Variants in CHMP1A observed in about 807,000 individuals in gnomAD.
CHMP1A encodes charged multivesicular body protein 1A, also known as VPS46 homolog A.
A neutral mutation model predicts 27.0 loss-of-function variants in CHMP1A; 17 were observed. The observed-to-expected ratio is 0.63, with a 90% confidence interval of 0.43 to 0.95. CHMP1A has a LOEUF of 0.95. Ranked by LOEUF, CHMP1A falls within the 40% of genes least tolerant of loss-of-function variation. CHMP1A has a pLI of 0.00. For missense variants in CHMP1A, 275 were observed against 264.0 expected (o/e 1.04, Z -0.29); for synonymous variants, 131 against 107.5 (o/e 1.22, Z -1.35).
intron 4 of CHMP1A, 66 bp from the exon 5 acceptor site, chr16:89,647,397 G>T: frequency 1.3e-6 from 2 of 1,486,070 alleles, no homozygotes; most frequent in East Asian, 4.6e-5. Context: ...CACCAGGGAC[G>T]GGTCCCCTGG....
chr16:89,646,890 C>T (rs942076193), intron 5 of CHMP1A, 176 bp from the exon 6 acceptor site: 4 of 663,662 alleles, frequency 6.0e-6, no homozygotes, highest in Non-Finnish European at 1.1e-5. Context: ...TCCTGCCCCC[C>T]CACCCAGCCC....
intron 1 of CHMP1A, among the ~76,000 whole-genome samples, chr16:89,655,448 C>G (rs1361949200): frequency 6.7e-6 from 1 of 150,022 alleles, no homozygotes; most frequent in Non-Finnish European, 1.5e-5. Context: ...CTCACCTCAG[C>G]TTTCCTCACC....
intron 4 of CHMP1A, among the ~76,000 whole-genome samples, chr16:89,648,926 G>A (rs1396643417): frequency 6.6e-6 from 1 of 151,900 alleles, no homozygotes; most frequent in South Asian, 2.1e-4. Flanking sequence ...TTGCGAGGCT[G>A]AGGCAGGAGG....
At chr16:89,649,665 C>T (rs575153158) in intron 3 of CHMP1A, 168 bp from the exon 4 acceptor site, 254 of 744,560 alleles carry the variant, frequency 3.4e-4, no homozygotes, top group Admixed American at 6.9e-4. Context: ...AAGCTCCGCC[C>T]CCCAGGTTCA....
chr16:89,649,455 C>T lies in CHMP1A; in HGVS notation c.148G>A (p.Glu50Lys), dbSNP rs1038735906. The change falls in exon 4 of 7, where the codon GAG becomes AAG. Residue 50 changes from glutamate (E) to lysine (K), a missense_variant. Transcript: ENST00000397901. ...KNVECARVYA[E>K]NAIRKKNEGV... ...TCGTTCTTCTTGCGGATGGCGTTCT[C>T]GGCATACACACGGGCACACTCTACA... 1.2e-6 allele frequency: 2 copies of T among 1,613,578 alleles called. No individual in the cohort carries two copies. Among genetic ancestry groups the T allele is most frequent in the Non-Finnish European group, 1.7e-6 (2 of 1,179,888 alleles).
Position 89,645,874 on chromosome 16 carries a change from A to G in CHMP1A, c.*192T>C. 1.3e-6 allele frequency: 2 copies of G among 1,570,338 alleles called. No homozygotes were observed. Among genetic ancestry groups the G allele is most frequent in the South Asian group, 2.3e-5 (2 of 85,270 alleles). On this transcript the variant is annotated 3_prime_UTR_variant, in exon 7 of 7. Coordinates refer to ENST00000397901, the MANE Select transcript of CHMP1A (RefSeq NM_002768.5). ...AAATTTGCAGAAACTCAACACCAGGACACAGACCCACCGCCCAACCTAAAA... is the reference window on the plus strand; with the variant it reads ...AAATTTGCAGAAACTCAACACCAGGGCACAGACCCACCGCCCAACCTAAAA...
chr16:89,649,133 C>G (rs1232800666), intron 4 of CHMP1A: 1 of 346,378 alleles, frequency 2.9e-6, no homozygotes, highest in Non-Finnish European at 4.8e-6. Context: ...GCCAGCATTT[C>G]CCACCCCACG....
At position 89,651,597 on chromosome 16, in the gene CHMP1A, G is replaced by T; in HGVS notation, c.77C>A (p.Ser26Tyr). The T allele has an allele frequency of 6.2e-7, 1 of 1,613,780 alleles. No homozygotes were observed. Among genetic ancestry groups the T allele is most frequent in the Non-Finnish European group, 8.5e-7 (1 of 1,179,854 alleles). The change falls in exon 3 of 7, where the codon TCC (serine) becomes TAC (tyrosine). Residue 26 changes from serine to tyrosine, a missense_variant. Coordinates refer to ENST00000397901, the MANE Select transcript of CHMP1A (RefSeq NM_002768.5). ...EKLAKKAEKD[S>Y]KAEQAKVKKA... The stretch of plus-strand genomic sequence containing the variant: ...CTTCACTTTGGCCTGCTCCGCCTTG[G>T]AGTCCTTCTCCGCCTTCTTGGCCAG...
intron 3 of CHMP1A, 82 bp downstream of exon 3, chr16:89,651,487 A>G: frequency 7.3e-7 from 1 of 1,373,750 alleles, no homozygotes; most frequent in Non-Finnish European, 1.0e-6. Context: ...GCATCAAAAC[A>G]AAACAGGACA....
rs2059759756 is a variant in CHMP1A, at chr16:89,644,671, C to T, written c.*1395G>A. On this transcript the variant is annotated 3_prime_UTR_variant, in exon 7 of 7. Transcript: ENST00000397901. Reference sequence around the variant, plus strand: ...CACGTCTAGGACCTACCAACACTAGCCCCTCCCTGGGGGCTCCCAAGTTCT... The same window carrying T: ...CACGTCTAGGACCTACCAACACTAGTCCCTCCCTGGGGGCTCCCAAGTTCT... 1 of 152,278 alleles carries T rather than the reference C, an allele frequency of 6.6e-6. No homozygotes were observed. Among genetic ancestry groups the T allele is most frequent in the South Asian group, 2.1e-4 (1 of 4,836 alleles). The allele number at this position is 152,278 out of a possible 1,614,324, so 9.4% of individuals were successfully genotyped here.
chr16:89,656,262 G>A (rs547250181), intron 1 of CHMP1A, among the ~76,000 whole-genome samples: 1 of 151,994 alleles, frequency 6.6e-6, no homozygotes, highest in Non-Finnish European at 1.5e-5. Context: ...TCAGCCTCCC[G>A]AGTAGCTGGG....
At chr16:89,648,998 C>T (rs2059802977) in intron 4 of CHMP1A, among the ~76,000 whole-genome samples, 1 of 151,780 alleles carries the variant, frequency 6.6e-6, no homozygotes, top group African/African-American at 2.4e-5. Context: ...GCACTCCAGC[C>T]TGGGTGACAG....
chr16:89,651,451 G>C lies in CHMP1A; in HGVS notation c.105+118C>G, dbSNP rs191795485. 2.0e-4 allele frequency: 138 copies of C among 693,164 alleles called. No individual in the cohort carries two copies. The African/African-American group carries it at 2.1e-3, about 11-fold the overall frequency. 42.9% of individuals were successfully genotyped at this position (693,164 alleles called of 1,614,324 possible). A position where few individuals can be genotyped will look rare whatever the true frequency, so the allele number is the denominator to read the frequency against. ...AAGGTGACGATTAAATCATGATGTA[G>C]AAAGTGCCCTGCCCCTCCCCAAAAG... is the stretch of plus-strand genomic sequence containing the variant. On this transcript the variant is annotated intron_variant, in intron 3 of 6. Transcript: ENST00000397901.
Position 89,651,641 on chromosome 16 carries a change from C to A in CHMP1A, c.33G>T (p.Thr11=). MDDTLFQLKF[T]AKQLEKLAKK... ...TGGCCAGCTTCTCCAGCTGCTTCGC[C>A]GTGAACTGAGCGGAAGCCGGAATGT... is the stretch of plus-strand genomic sequence containing the variant. Residue 11 remains threonine (T), a synonymous_variant, in exon 3 of 7, where the codon ACG becomes ACT. Coordinates refer to ENST00000397901, the MANE Select transcript of CHMP1A (RefSeq NM_002768.5). 2 of 1,613,564 alleles carry A rather than the reference C, an allele frequency of 1.2e-6. No homozygotes were observed. The highest frequency in any genetic ancestry group is 1.7e-6 in the Non-Finnish European group (2 of 1,179,824).
intron 4 of CHMP1A, among the ~76,000 whole-genome samples, chr16:89,647,663 TCG>T (rs2059788026): frequency 6.4e-5 from 2 of 31,362 alleles, no homozygotes; most frequent in Non-Finnish European, 1.5e-4. Context: ...CAGCGCGGGG[TCG>T]GTGGAGAAAA....
chr16:89,646,122 G>T, intron 6 of CHMP1A, 35 bp from the exon 7 acceptor site: 1 of 1,516,222 alleles, frequency 6.6e-7, no homozygotes, highest in Non-Finnish European at 8.8e-7. Context: ...GTCAGGGCAG[G>T]GGAAGGGGGC....
Position 89,653,986 on chromosome 16 carries a change from G to C in CHMP1A, c.8-63C>G, listed in dbSNP as rs559752820. Reference sequence around the variant, plus strand: ...GAATGGGACGTTACACTTCTGGCAGGCAGGACTCACTAGGTTCCTTCTAGA... The same window carrying C: ...GAATGGGACGTTACACTTCTGGCAGCCAGGACTCACTAGGTTCCTTCTAGA... On this transcript the variant is annotated intron_variant, in intron 1 of 6. Transcript: ENST00000397901. 92 of 1,556,514 alleles carry C rather than the reference G, an allele frequency of 5.9e-5. 1 individual carries two copies. In the Middle Eastern group the frequency reaches 1.3e-3, roughly 23 times the overall value.
In CHMP1A at chr16:89,646,057, G is replaced by A. The variant is rs746411478; in HGVS notation, c.*9C>T. ...CGGGGCAGAGGCGGTGCACACCGGCGGGGCACGGCTAGTTCCTCAAGGCGG... is the reference window on the plus strand; with the variant it reads ...CGGGGCAGAGGCGGTGCACACCGGCAGGGCACGGCTAGTTCCTCAAGGCGG... On this transcript the variant is annotated 3_prime_UTR_variant, in exon 7 of 7. Coordinates refer to ENST00000397901, the MANE Select transcript of CHMP1A (RefSeq NM_002768.5). 8.3e-6 allele frequency: 13 copies of A among 1,570,818 alleles called. No individual in the cohort carries two copies. The highest frequency in any genetic ancestry group is 4.1e-5 in the African/African-American group (3 of 73,372).
chr16:89,650,507 C>G (rs2434872), intron 3 of CHMP1A, among the ~76,000 whole-genome samples: 48,347 of 152,050 alleles, frequency 0.32, 10,006 homozygotes, highest in Middle Eastern at 0.61. Flanking sequence ...GAGGAGAGAG[C>G]TAAAAATGAT....
Sources: gnomAD v4.1 joint callset for allele counts (sites outside exome capture counted in the v4.1 genomes callset) on GRCh38, gnomAD v4.1.1 for gene constraint, MANE v1.5 for transcripts, NCBI Gene and HGNC (gene_info 2026-07-23, HGNC 2026-07-21) for gene names.